The following THSD4 variants were observed in gnomAD, a reference collection of about 807,000 sequenced individuals.
THSD4 encodes the protein thrombospondin type-1 domain-containing protein 4.
THSD4 carries 69 observed loss-of-function variants against 119.0 expected under a neutral mutation model. The observed-to-expected ratio is 0.58, with a 90% CI of 0.48 to 0.71. The LOEUF (loss-of-function observed/expected upper bound fraction) is 0.71, where lower values mean the gene tolerates loss of function less well. Ranked by LOEUF, THSD4 falls within the 30% of genes least tolerant of loss-of-function variation. The pLI, the probability that THSD4 is intolerant of heterozygous loss-of-function variation, is 0.00. For synonymous variants in THSD4, 524 were observed against 540.4 expected, an observed-to-expected ratio of 0.97 and a Z score of 0.42; for missense variants, 1,393 against 1,391.1, an observed-to-expected ratio of 1.00 and a Z score of -0.02.
intron 6 of THSD4, among the ~76,000 whole-genome samples, chr15:71,389,827 T>TTTTTTTTTTTTTTTTA (rs56316633): frequency 7.0e-6 from 1 of 142,914 alleles, no homozygotes; most frequent in Non-Finnish European, 1.5e-5. Flanking sequence ...TTTTTTTTTT[T>TTTTTTTTTTTTTTTTA]GACACAGAGT....
intron 7 of THSD4, among the ~76,000 whole-genome samples, chr15:71,608,053 C>T (rs1217564066): frequency 6.6e-6 from 1 of 151,848 alleles, no homozygotes; most frequent in South Asian, 2.1e-4. Flanking sequence ...GAAACCCTGT[C>T]TCTACTAAAA....
At position 71,361,468 on chromosome 15, in the gene THSD4, C is replaced by T. The variant is rs79961870; in HGVS notation, c.1016-50219C>T. On this transcript the variant is annotated intron_variant, in intron 6 of 17. Coordinates refer to ENST00000261862, the MANE Select transcript of THSD4 (RefSeq NM_024817.3). ...AAGGTGTAACCTAAAGCTATTGTCACCCCTCAGAGTGGCAAAGATAAAAAA... is the reference window on the plus strand; with the variant it reads ...AAGGTGTAACCTAAAGCTATTGTCATCCCTCAGAGTGGCAAAGATAAAAAA... Among the ~76,000 whole-genome samples, 33 of 152,306 alleles carry T rather than the reference C, an allele frequency of 2.2e-4. 1 individual carries two copies. In the East Asian group the frequency reaches 5.8e-3, roughly 27 times the overall value.
intron 7 of THSD4, among the ~76,000 whole-genome samples, chr15:71,466,085 C>T (rs2047495080): frequency 6.6e-6 from 1 of 152,118 alleles, no homozygotes; most frequent in African/African-American, 2.4e-5. Context: ...CGCAGTGGCT[C>T]ACACCTGTAA....
At chr15:71,440,971 CT>C (rs974512089) in intron 7 of THSD4, among the ~76,000 whole-genome samples, 23 of 152,086 alleles carry the variant, frequency 1.5e-4, no homozygotes, top group African/African-American at 5.6e-4. Context: ...TAGTTCAGTC[CT>C]TCTTTGGCTC....
At chr15:71,712,790 A>T (rs2052541350) in intron 8 of THSD4, among the ~76,000 whole-genome samples, 1 of 152,204 alleles carries the variant, frequency 6.6e-6, no homozygotes, top group Non-Finnish European at 1.5e-5. Context: ...ACATGGATTA[A>T]TCTCAAATGC....
intron 7 of THSD4, among the ~76,000 whole-genome samples, chr15:71,478,212 A>C (rs1245824140): frequency 3.9e-5 from 6 of 152,210 alleles, no homozygotes; most frequent in Non-Finnish European, 8.8e-5. Context: ...TATAGCTTAC[A>C]TCAGAAAGCC....
rs67271025 is a variant in THSD4 at position 71,591,005 on chromosome 15, CAAAAAAAAAAAAAAAA to C, written c.1153-69508_1153-69493del. 4.6e-3 allele frequency among the ~76,000 whole-genome samples: 264 copies of C among 57,518 alleles called. 15 individuals carry two copies. In the South Asian group the frequency reaches 0.15, roughly 34 times the overall value. 37.7% of individuals were successfully genotyped at this position (57,518 alleles called of 152,430 possible). Reference sequence around the variant, plus strand: ...TGGGCGACAGAGCAAGACTCCATCTCAAAAAAAAAAAAAAAAAAAAAAAAAAAAAAAAGTTGAAGAA... The same window carrying C: ...TGGGCGACAGAGCAAGACTCCATCTCAAAAAAAAAAAAAAAAGTTGAAGAA... On this transcript the variant is annotated intron_variant, in intron 7 of 17. Coordinates refer to ENST00000261862, the MANE Select transcript of THSD4 (RefSeq NM_024817.3).
intron 2 of THSD4, among the ~76,000 whole-genome samples, chr15:71,150,995 T>C (rs2040716759): frequency 6.6e-6 from 1 of 152,140 alleles, no homozygotes; most frequent in Non-Finnish European, 1.5e-5. Context: ...GGAGCTTACA[T>C]TCCATTGGAT....
At chr15:71,182,255 G>A (rs972477722) in intron 3 of THSD4, among the ~76,000 whole-genome samples, 2 of 151,722 alleles carry the variant, frequency 1.3e-5, no homozygotes, top group African/African-American at 4.8e-5. Flanking sequence ...CAATCTGAGT[G>A]TATAAATTCC....
chr15:71,224,272 A>G (rs1340139940), intron 4 of THSD4, among the ~76,000 whole-genome samples: 1 of 152,186 alleles, frequency 6.6e-6, no homozygotes, highest in Non-Finnish European at 1.5e-5. Flanking sequence ...GGAAGTCCAC[A>G]GGCTCCTTTC....
At chr15:71,646,106 C>T (rs1463612428) in intron 7 of THSD4, among the ~76,000 whole-genome samples, 2 of 152,244 alleles carry the variant, frequency 1.3e-5, no homozygotes, top group Admixed American at 6.5e-5. Context: ...AGCACAGATC[C>T]TAGCACTTGG....
chr15:71,531,964 C>G (rs577754760), intron 7 of THSD4, among the ~76,000 whole-genome samples: 1 of 152,164 alleles, frequency 6.6e-6, no homozygotes, highest in African/African-American at 2.4e-5. Context: ...CCCATAACCC[C>G]AGTCTTAAGC....
At chr15:71,775,669 C>T (rs2053899583) in intron 17 of THSD4, among the ~76,000 whole-genome samples, 1 of 152,088 alleles carries the variant, frequency 6.6e-6, no homozygotes, top group Admixed American at 6.5e-5. Flanking sequence ...TGAGATAGAG[C>T]CACTGTATTC....
chr15:71,245,874 C>A (rs1299430710), intron 5 of THSD4, among the ~76,000 whole-genome samples: 1 of 152,148 alleles, frequency 6.6e-6, no homozygotes, highest in African/African-American at 2.4e-5. Context: ...ACCAGCCTTG[C>A]AAACAGGCCT....
chr15:71,508,713 A>G lies in THSD4; in HGVS notation c.1152+96890A>G, dbSNP rs181006441. Among the ~76,000 whole-genome samples the G allele has an allele frequency of 1.6e-4, 25 of 152,336 alleles. No individual in the cohort carries two copies. In the East Asian group the frequency reaches 2.3e-3, roughly 14 times the overall value. The stretch of plus-strand genomic sequence containing the variant: ...TCAGTGTAGAATTTGTAAAACACAG[A>G]AAACTATCATGTATATGTAGTGTAT... On this transcript the variant is annotated intron_variant, in intron 7 of 17. Transcript: ENST00000261862.
At chr15:71,225,256 G>C (rs967191315) in intron 4 of THSD4, among the ~76,000 whole-genome samples, 12 of 152,044 alleles carry the variant, frequency 7.9e-5, no homozygotes, top group African/African-American at 2.9e-4. Context: ...GCCCAAGGCA[G>C]CCAGTATAGA....
chr15:71,572,276 A>G (rs957487366), intron 7 of THSD4, among the ~76,000 whole-genome samples: 8 of 152,230 alleles, frequency 5.3e-5, no homozygotes, highest in Non-Finnish European at 1.0e-4. Context: ...GTATCATTAA[A>G]TAGTCTTCAA....
At chr15:71,214,494 C>T (rs1455535062) in intron 3 of THSD4, among the ~76,000 whole-genome samples, 1 of 152,226 alleles carries the variant, frequency 6.6e-6, no homozygotes, top group Non-Finnish European at 1.5e-5. Flanking sequence ...CCTTTAAGAG[C>T]TATAACGCTC....
intron 6 of THSD4, among the ~76,000 whole-genome samples, chr15:71,409,503 G>A (rs945374402): frequency 5.9e-5 from 9 of 152,118 alleles, no homozygotes; most frequent in African/African-American, 2.2e-4. Context: ...TGATGATTTC[G>A]TTTGAAATAA....
Sources: allele counts gnomAD v4.1 joint callset (sites outside exome capture counted in the v4.1 genomes callset), GRCh38; gene constraint gnomAD v4.1.1; transcripts MANE v1.5; gene names NCBI Gene and HGNC (gene_info 2026-07-23, HGNC 2026-07-21).